Variants in KCNAB1 observed in about 807,000 individuals in gnomAD.
The protein encoded by KCNAB1 is potassium voltage-gated channel subfamily A regulatory beta subunit 1.
Under a neutral mutation model 64.6 loss-of-function variants are expected in KCNAB1, and 35 were observed. The ratio of observed to expected loss-of-function variants is 0.54; its 90% CI spans 0.41 to 0.72. KCNAB1 has a LOEUF of 0.72. KCNAB1 is among the 30% of genes least tolerant of loss of function. The pLI is 0.00. For synonymous variants in KCNAB1, 177 were observed against 183.8 expected, an observed-to-expected ratio of 0.96 and a Z score of 0.30; for missense variants, 401 against 512.9, an observed-to-expected ratio of 0.78 and a Z score of 2.11.
chr3:156,243,832 G>A (rs1242221471), intron 1 of KCNAB1, among the ~76,000 whole-genome samples: 1 of 152,206 alleles, frequency 6.6e-6, no homozygotes, highest in Non-Finnish European at 1.5e-5. Context: ...AGTAATCAGG[G>A]AATGTGCCAT....
chr3:156,457,547 G>A lies in KCNAB1; in HGVS notation c.437+15G>A, dbSNP rs1559894038. The A allele has an allele frequency of 2.5e-6, 4 of 1,607,940 alleles. No individual in the cohort carries two copies. In the East Asian group the frequency reaches 6.7e-5, roughly 27 times the overall value. On this transcript the variant is annotated intron_variant, in intron 4 of 13. Coordinates refer to ENST00000490337, the MANE Select transcript of KCNAB1 (RefSeq NM_172160.3). ...GCTGCTGGAAAGTAAGTCAGTACCT[G>A]TTTGTGTCACTCAAATGGCATCTGT...
rs71138701 is a variant in KCNAB1, at chr3:156,198,913, A to ATTTTTTT, written c.275+78051_275+78057dup. ...TATTGTCATTGGTCTTTATATTTTG[A>ATTTTTTT]TTTTTTTTTTTTTTTTTTTTTTTTT... is the stretch of plus-strand genomic sequence containing the variant. On this transcript the variant is annotated intron_variant, in intron 1 of 13. Coordinates refer to ENST00000490337, the MANE Select transcript of KCNAB1 (RefSeq NM_172160.3). Among the ~76,000 whole-genome samples, 38 of 21,288 alleles carry ATTTTTTT rather than the reference A, an allele frequency of 1.8e-3. 5 individuals are homozygous for ATTTTTTT. The highest frequency in any genetic ancestry group is 2.5e-3 in the East Asian group (2 of 816). The allele number at this position is 21,288 out of a possible 152,430, so 14.0% of individuals were successfully genotyped here.
Position 156,278,635 on chromosome 3 carries a change from A to C in KCNAB1, c.276-142981A>C, listed in dbSNP as rs751369090. 8.0e-4 allele frequency among the ~76,000 whole-genome samples: 122 copies of C among 152,322 alleles called. 1 individual carries two copies. The Middle Eastern group carries it at 0.017, about 21-fold the overall frequency. On this transcript the variant is annotated intron_variant, in intron 1 of 13. Coordinates refer to ENST00000490337, the MANE Select transcript of KCNAB1 (RefSeq NM_172160.3). ...ACCATTTTAGAAATCATCATAGTTCATCAATTCTCTGAAGCATATTTTTAA... is the reference window on the plus strand; with the variant it reads ...ACCATTTTAGAAATCATCATAGTTCCTCAATTCTCTGAAGCATATTTTTAA...
intron 1 of KCNAB1, among the ~76,000 whole-genome samples, chr3:156,335,762 A>G (rs746981396): frequency 9.9e-5 from 15 of 152,158 alleles, no homozygotes; most frequent in Non-Finnish European, 1.8e-4. Flanking sequence ...TAATAAAACA[A>G]TAAATCAATA....
At chr3:156,132,314 C>T (rs1714041906) in intron 1 of KCNAB1, among the ~76,000 whole-genome samples, 1 of 152,194 alleles carries the variant, frequency 6.6e-6, no homozygotes. Flanking sequence ...AGGCTGAGGA[C>T]ACTTCAGAGA....
intron 1 of KCNAB1, among the ~76,000 whole-genome samples, chr3:156,364,223 A>G (rs952821700): frequency 2.0e-5 from 3 of 152,236 alleles, no homozygotes; most frequent in Admixed American, 1.3e-4. Flanking sequence ...ACAGATTTGC[A>G]TAGACCTTTA....
At chr3:156,521,586 T>C (rs1717942508) in intron 11 of KCNAB1, among the ~76,000 whole-genome samples, 1 of 152,166 alleles carries the variant, frequency 6.6e-6, no homozygotes, top group African/African-American at 2.4e-5. Flanking sequence ...TAGAATAGGG[T>C]TGGATGAGGA....
At chr3:156,308,857 A>G (rs1039309605) in intron 1 of KCNAB1, among the ~76,000 whole-genome samples, 15 of 152,270 alleles carry the variant, frequency 9.9e-5, no homozygotes, top group African/African-American at 3.4e-4. Flanking sequence ...TTTTAAATGG[A>G]TGGTGCATTT....
intron 1 of KCNAB1, among the ~76,000 whole-genome samples, chr3:156,137,183 T>C (rs1269006538): frequency 1.3e-5 from 2 of 150,594 alleles, no homozygotes; most frequent in East Asian, 3.9e-4. Context: ...ACTCATTTTT[T>C]TCTAAAGCAA....
chr3:156,266,326 A>G (rs1718707150), intron 1 of KCNAB1, among the ~76,000 whole-genome samples: 1 of 152,200 alleles, frequency 6.6e-6, no homozygotes, highest in Non-Finnish European at 1.5e-5. Flanking sequence ...CTGGGGACAC[A>G]CTAATGTTAT....
chr3:156,490,296 A>T (rs1421331398), intron 8 of KCNAB1, among the ~76,000 whole-genome samples: 1 of 152,142 alleles, frequency 6.6e-6, no homozygotes, highest in African/African-American at 2.4e-5. Context: ...TTACAGCATG[A>T]ATGGCACTAG....
At chr3:156,396,000 G>A (rs1056876788) in intron 1 of KCNAB1, among the ~76,000 whole-genome samples, 2 of 152,214 alleles carry the variant, frequency 1.3e-5, no homozygotes, top group African/African-American at 4.8e-5. Context: ...TCAAAGAAGT[G>A]TAGAAGTCGA....
Position 156,336,562 on chromosome 3 carries a change from G to A in KCNAB1, c.276-85054G>A, listed in dbSNP as rs140315440. On this transcript the variant is annotated intron_variant, in intron 1 of 13. Coordinates refer to ENST00000490337, the MANE Select transcript of KCNAB1 (RefSeq NM_172160.3). Reference sequence around the variant, plus strand: ...AATTGTACATGTTCAGAATGGCATGGATTAAGGACATTTGGGTGCTGATTT... The same window carrying A: ...AATTGTACATGTTCAGAATGGCATGAATTAAGGACATTTGGGTGCTGATTT... 2.4e-3 allele frequency among the ~76,000 whole-genome samples: 361 copies of A among 152,294 alleles called. 4 individuals are homozygous for A. Among genetic ancestry groups the A allele is most frequent in the African/African-American group, 8.3e-3 (344 of 41,556 alleles).
rs1321168701 is a variant in KCNAB1, at chr3:156,389,578, G to A, written c.276-32038G>A. Among the ~76,000 whole-genome samples, 14 of 152,220 alleles carry A rather than the reference G, an allele frequency of 9.2e-5. No homozygotes were observed. In the South Asian group the frequency reaches 1.9e-3, roughly 20 times the overall value. On this transcript the variant is annotated intron_variant, in intron 1 of 13. Transcript: ENST00000490337. ...ATCCATATCATCTGGGAACCTGTGAGAAAGGCAAATTGTCAGACCTCCGCC... is the reference window on the plus strand; with the variant it reads ...ATCCATATCATCTGGGAACCTGTGAAAAAGGCAAATTGTCAGACCTCCGCC...
At chr3:156,365,902 A>G (rs1326890913) in intron 1 of KCNAB1, among the ~76,000 whole-genome samples, 5 of 152,192 alleles carry the variant, frequency 3.3e-5, no homozygotes, top group Non-Finnish European at 7.3e-5. Flanking sequence ...AAATTGTCAG[A>G]CTGCAGAAGT....
chr3:156,388,510 G>A (rs937015295), intron 1 of KCNAB1, among the ~76,000 whole-genome samples: 3 of 152,216 alleles, frequency 2.0e-5, no homozygotes, highest in African/African-American at 7.2e-5. Flanking sequence ...GTGACCTTGA[G>A]CTGATTCTCT....
intron 1 of KCNAB1, among the ~76,000 whole-genome samples, chr3:156,199,165 T>C (rs2108374923): frequency 6.6e-6 from 1 of 152,324 alleles, no homozygotes; most frequent in South Asian, 2.1e-4. Context: ...TTCTGAGTTG[T>C]AGAGCTTCTG....
At chr3:156,305,914 A>C (rs1721461905) in intron 1 of KCNAB1, among the ~76,000 whole-genome samples, 1 of 152,148 alleles carries the variant, frequency 6.6e-6, no homozygotes, top group South Asian at 2.1e-4. Flanking sequence ...GGACTGCTTG[A>C]GTCTTTGTTT....
At chr3:156,333,515 T>A (rs376434363) in intron 1 of KCNAB1, among the ~76,000 whole-genome samples, 1 of 152,142 alleles carries the variant, frequency 6.6e-6, no homozygotes, top group Non-Finnish European at 1.5e-5. Context: ...TATATTATAA[T>A]TGACGTAGAG....
Sources: gnomAD v4.1 joint callset for allele counts (sites outside exome capture counted in the v4.1 genomes callset) on GRCh38, gnomAD v4.1.1 for gene constraint, MANE v1.5 for transcripts, NCBI Gene and HGNC (gene_info 2026-07-23, HGNC 2026-07-21) for gene names.